The following RGSL1 variants were observed in gnomAD, a reference collection of about 807,000 sequenced individuals.
RGSL1 encodes regulator of G protein signaling protein-like.
A neutral mutation model predicts 124.7 loss-of-function variants in RGSL1; 97 were observed. That is an observed-to-expected ratio of 0.78 (90% CI 0.66 to 0.92). The LOEUF is 0.92. Among genes scored for constraint, RGSL1 ranks in the 40% least tolerant of loss-of-function variants. The pLI is 0.00. For synonymous variants in RGSL1, 424 were observed against 438.1 expected (o/e 0.97, Z 0.40); for missense variants, 1,233 against 1,288.4 (o/e 0.96, Z 0.66).
intron 4 of RGSL1, 69 bp from the exon 5 acceptor site, chr1:182,472,327 C>A: frequency 7.1e-7 from 1 of 1,400,906 alleles, no homozygotes; most frequent in Non-Finnish European, 9.6e-7. Context: ...TCAGTTGATT[C>A]ACCCAGATGC....
At chr1:182,484,542 G>A (rs187711798) in intron 6 of RGSL1, among the ~76,000 whole-genome samples, 32 of 152,312 alleles carry the variant, frequency 2.1e-4, no homozygotes, top group Non-Finnish European at 3.7e-4. Flanking sequence ...TTCCCAGGAA[G>A]GCGTGTGAAG....
At chr1:182,496,423 A>C (rs1344350874) in intron 9 of RGSL1, among the ~76,000 whole-genome samples, 1 of 152,182 alleles carries the variant, frequency 6.6e-6, no homozygotes, top group Non-Finnish European at 1.5e-5. Context: ...TTGATATCAC[A>C]TGGACAGGCT....
At chr1:182,455,205 C>A (rs1652199450) in intron 2 of RGSL1, among the ~76,000 whole-genome samples, 1 of 152,150 alleles carries the variant, frequency 6.6e-6, no homozygotes, top group Non-Finnish European at 1.5e-5. Flanking sequence ...TCAGGAAAAG[C>A]TGACACAAGA....
At chr1:182,483,770 G>A (rs928678824) in intron 6 of RGSL1, among the ~76,000 whole-genome samples, 8 of 152,102 alleles carry the variant, frequency 5.3e-5, no homozygotes, top group Admixed American at 2.6e-4. Context: ...CACTTTATGT[G>A]GAATGGTTGG....
At chr1:182,472,694 C>A (rs1653947301) in intron 5 of RGSL1, 137 bp downstream of exon 5, 1 of 862,610 alleles carries the variant, frequency 1.2e-6, no homozygotes, top group African/African-American at 1.7e-5. Flanking sequence ...TAGTGGCAAC[C>A]CCAACCCTTA....
At chr1:182,488,406 T>C (rs772099499) in intron 7 of RGSL1, 59 bp downstream of exon 7, 22 of 1,422,840 alleles carry the variant, frequency 1.5e-5, no homozygotes, top group Non-Finnish European at 2.1e-5. Context: ...GAAAGAGTAA[T>C]TACTGTTTTA....
At chr1:182,529,650 T>C (rs973289483) in intron 11 of RGSL1, among the ~76,000 whole-genome samples, 1 of 152,210 alleles carries the variant, frequency 6.6e-6, no homozygotes, top group African/African-American at 2.4e-5. Flanking sequence ...TAAATTTTTA[T>C]GAATATAGAA....
chr1:182,544,242 T>G (rs1201419639), intron 15 of RGSL1, among the ~76,000 whole-genome samples: 1 of 152,170 alleles, frequency 6.6e-6, no homozygotes, highest in Non-Finnish European at 1.5e-5. Flanking sequence ...TTCTCCTTTA[T>G]TTCTTCACTG....
chr1:182,532,128 A>G (rs1360608481), intron 13 of RGSL1, among the ~76,000 whole-genome samples: 1 of 152,136 alleles, frequency 6.6e-6, no homozygotes, highest in Non-Finnish European at 1.5e-5. Flanking sequence ...AATAAAATGT[A>G]CAGTGGTTCC....
intron 4 of RGSL1, among the ~76,000 whole-genome samples, chr1:182,468,054 A>G (rs998976847): frequency 1.3e-5 from 2 of 152,244 alleles, no homozygotes; most frequent in Non-Finnish European, 2.9e-5. Flanking sequence ...AATGCAAATC[A>G]AAACCACAAT....
chr1:182,464,649 G>C (rs911010487), intron 4 of RGSL1, among the ~76,000 whole-genome samples: 1 of 151,704 alleles, frequency 6.6e-6, no homozygotes, highest in South Asian at 2.1e-4. Flanking sequence ...ACTTGAACCC[G>C]GGAGGCAGAG....
rs1458106358 is a variant in RGSL1, at chr1:182,451,127, C to T, written c.13+949C>T. ...TGCCACTGCATTCCAGCCTGGGTGA[C>T]GGAGTGAGACTTTGGCAAAAAAAAA... On this transcript the variant is annotated intron_variant, in intron 1 of 21. Coordinates refer to ENST00000294854, the MANE Select transcript of RGSL1 (RefSeq NM_001137669.2). Among the ~76,000 whole-genome samples the T allele has an allele frequency of 7.5e-5, 9 of 119,452 alleles. No individual in the cohort carries two copies. The East Asian group carries it at 1.3e-3, about 18-fold the overall frequency. 78.4% of individuals were successfully genotyped at this position (119,452 alleles called of 152,430 possible).
At chr1:182,559,278 T>C (rs1661037261) in intron 21 of RGSL1, among the ~76,000 whole-genome samples, 1 of 152,194 alleles carries the variant, frequency 6.6e-6, no homozygotes, top group Non-Finnish European at 1.5e-5. Flanking sequence ...ATTTAATGTA[T>C]CCCAAATCAG....
In RGSL1 at chr1:182,533,189, A is replaced by G. The variant is rs77124461; in HGVS notation, c.2494+398A>G. 6.3e-3 allele frequency among the ~76,000 whole-genome samples: 963 copies of G among 151,688 alleles called. 4 individuals are homozygous for G. Among genetic ancestry groups the G allele is most frequent in the African/African-American group, 0.022 (917 of 41,236 alleles). On this transcript the variant is annotated intron_variant, in intron 14 of 21. Coordinates refer to ENST00000294854, the MANE Select transcript of RGSL1 (RefSeq NM_001137669.2). ...AAGTGAAAGTCCCTCAAGAGATAAC[A>G]TTGTTAATGCTTGTAAACCTACCTC...
chr1:182,450,066 T>G, upstream of RGSL1: 1 of 1,397,724 alleles, frequency 7.2e-7, no homozygotes, highest in Non-Finnish European at 9.9e-7. Context: ...TGGAACCCCT[T>G]AGAGAAGGTG....
At chr1:182,455,464 G>C (rs567799859) in intron 2 of RGSL1, among the ~76,000 whole-genome samples, 152 of 152,002 alleles carry the variant, frequency 1.0e-3, no homozygotes, top group Non-Finnish European at 1.6e-3. Context: ...AGCCTGTAGT[G>C]CCAGCTACTC....
At chr1:182,485,587 C>A (rs1484540495) in intron 6 of RGSL1, among the ~76,000 whole-genome samples, 1 of 152,140 alleles carries the variant, frequency 6.6e-6, no homozygotes, top group East Asian at 1.9e-4. Flanking sequence ...ACACATATAA[C>A]CTTAGAATAG....
rs1467026119 is a variant in RGSL1, at chr1:182,540,372, A to T, written c.2620A>T (p.Thr874Ser). The change falls in exon 15 of 22, where the codon ACT (threonine) becomes TCT (serine). Residue 874 changes from threonine (T) to serine (S), a missense_variant. Thr to Ser is a moderately conservative substitution (Grantham distance 58, BLOSUM62 1). Transcript: ENST00000294854. ...TCGTATATTTGGCCACAGGATTATC[A>T]CTGTCAACTTTGCGATCAATGATCT... ...KRRIFGHRII[T>S]VNFAINDLYF... is the part of the protein sequence containing the mutation. 1 of 1,551,286 alleles carries T rather than the reference A, an allele frequency of 6.4e-7. No homozygotes were observed. Among genetic ancestry groups the T allele is most frequent in the Admixed American group, 2.0e-5 (1 of 50,970 alleles).
intron 9 of RGSL1, among the ~76,000 whole-genome samples, chr1:182,517,341 C>T (rs1186610469): frequency 4.9e-5 from 7 of 143,658 alleles, no homozygotes; most frequent in Non-Finnish European, 1.1e-4. Flanking sequence ...TTATTATAGT[C>T]CTTGGGGTAG....
Sources: allele counts gnomAD v4.1 joint callset (sites outside exome capture counted in the v4.1 genomes callset), GRCh38; gene constraint gnomAD v4.1.1; transcripts MANE v1.5; gene names NCBI Gene and HGNC (gene_info 2026-07-23, HGNC 2026-07-21).